NAPA: variants seen among roughly 807,000 people sequenced by gnomAD.
The protein encoded by NAPA is alpha-soluble NSF attachment protein.
A neutral mutation model predicts 48.0 loss-of-function variants in NAPA; 18 were observed. The ratio of observed to expected loss-of-function variants is 0.38; its 90% CI spans 0.26 to 0.56. NAPA has a LOEUF of 0.56. Among genes scored for constraint, NAPA ranks in the 20% least tolerant of loss-of-function variants. The pLI is 0.77. For synonymous variants in NAPA, 152 were observed against 149.9 expected, an observed-to-expected ratio of 1.01 and a Z score of -0.10; for missense variants, 315 against 385.0, an observed-to-expected ratio of 0.82 and a Z score of 1.52.
chr19:47,502,756 A>G (rs1488435525), intron 2 of NAPA, among the ~76,000 whole-genome samples: 2 of 152,156 alleles, frequency 1.3e-5, no homozygotes, highest in Non-Finnish European at 2.9e-5. Context: ...CTCCAAACAG[A>G]TCTCCAGCCT....
Position 47,515,002 on chromosome 19 carries a change from C to A in NAPA, c.-62G>T. 1 of 1,532,500 alleles carries A rather than the reference C, an allele frequency of 6.5e-7. No homozygotes were observed. The highest frequency in any genetic ancestry group is 8.9e-7 in the Non-Finnish European group (1 of 1,120,204). The allele number at this position is 1,532,500 out of a possible 1,614,324, so 94.9% of individuals were successfully genotyped here. A position where few individuals can be genotyped will look rare whatever the true frequency, so the allele number is the denominator to read the frequency against. On this transcript the variant is annotated 5_prime_UTR_variant, in exon 1 of 11. Transcript: ENST00000263354. ...TGACCCTGGGAAGACTCAGCCGCGGCCGGGCCGCGGAACACAGATCGGTAA... is the reference window on the plus strand; with the variant it reads ...TGACCCTGGGAAGACTCAGCCGCGGACGGGCCGCGGAACACAGATCGGTAA...
chr19:47,496,374 G>C (rs1166067124), intron 3 of NAPA: 1 of 152,804 alleles, frequency 6.5e-6, no homozygotes. Flanking sequence ...TTTTAAATTT[G>C]GGAAAGGCTT....
At chr19:47,488,644 G>A (rs1466378349) in intron 10 of NAPA, 5 of 260,808 alleles carry the variant, frequency 1.9e-5, no homozygotes, top group Non-Finnish European at 3.7e-5. Context: ...CCATGGCTGG[G>A]CGCAGTAGCT....
intron 1 of NAPA, among the ~76,000 whole-genome samples, chr19:47,508,065 AG>A (rs1968728165): frequency 6.6e-6 from 1 of 152,076 alleles, no homozygotes; most frequent in Non-Finnish European, 1.5e-5. Context: ...TGTACTGCCT[AG>A]GCTTCCCTCA....
At chr19:47,498,593 CTTTT>C (rs1039274103) in intron 3 of NAPA, among the ~76,000 whole-genome samples, 1 of 151,928 alleles carries the variant, frequency 6.6e-6, no homozygotes, top group African/African-American at 2.4e-5. Context: ...CTCTGTGAGG[CTTTT>C]TTTTGGGGAC....
chr19:47,503,802 T>C (rs1049182460), intron 1 of NAPA, among the ~76,000 whole-genome samples: 1 of 152,182 alleles, frequency 6.6e-6, no homozygotes, highest in African/African-American at 2.4e-5. Context: ...CTCTTCTACT[T>C]CCTGCCTGGG....
intron 8 of NAPA, chr19:47,491,084 G>A (rs1041835762): frequency 4.2e-6 from 2 of 473,168 alleles, no homozygotes; most frequent in Non-Finnish European, 7.6e-6. Flanking sequence ...GGGTGGAGGG[G>A]GAAGGTTCCC....
rs951045872 is a variant in NAPA at position 47,514,956 on chromosome 19, A to C, written c.-16T>G. The C allele has an allele frequency of 6.2e-7, 1 of 1,612,506 alleles. No homozygotes were observed. The highest frequency in any genetic ancestry group is 8.5e-7 in the Non-Finnish European group (1 of 1,179,320). Reference sequence around the variant, plus strand: ...AATTGTCCATGGCGGCCACAAAGGGACTCAGCAAAGCGCCTGACCCTGACC... The same window carrying C: ...AATTGTCCATGGCGGCCACAAAGGGCCTCAGCAAAGCGCCTGACCCTGACC... On this transcript the variant is annotated 5_prime_UTR_variant, in exon 1 of 11. Transcript: ENST00000263354.
chr19:47,489,601 G>T, intron 10 of NAPA, 110 bp downstream of exon 10: 1 of 1,235,272 alleles, frequency 8.1e-7, no homozygotes, highest in Non-Finnish European at 1.2e-6. Flanking sequence ...ACAGTGGGCT[G>T]GGGGCCAGAT....
In NAPA at chr19:47,500,763, G is replaced by C. The variant is rs752653279; in HGVS notation, c.179-14C>G. On this transcript the variant is annotated splice_polypyrimidine_tract_variant and intron_variant, in intron 2 of 10. Coordinates refer to ENST00000263354, the MANE Select transcript of NAPA (RefSeq NM_003827.4). ...CGTTTCCAGCAGCTGGAACAGAAGA[G>C]AAGGGCAGTCCTGGCCTCAGTGGGG... The C allele has an allele frequency of 9.4e-6, 15 of 1,592,558 alleles. No homozygotes were observed. The highest frequency in any genetic ancestry group is 1.0e-5 in the Non-Finnish European group (12 of 1,167,740).
rs1182239713 is a variant in NAPA at position 47,492,718 on chromosome 19, G to T, written c.561+243C>A. The T allele has an allele frequency of 4.5e-6, 3 of 660,674 alleles. No homozygotes were observed. In the Admixed American group the frequency reaches 6.2e-5, roughly 14 times the overall value. The allele number at this position is 660,674 out of a possible 1,614,324, so 40.9% of individuals were successfully genotyped here. Reference sequence around the variant, plus strand: ...TCTGGGCCCCTCCAGGAAGCTCTGCGAGGGGTGTGGGAGGGGCACAGCCAG... The same window carrying T: ...TCTGGGCCCCTCCAGGAAGCTCTGCTAGGGGTGTGGGAGGGGCACAGCCAG... On this transcript the variant is annotated intron_variant, in intron 7 of 10. Transcript: ENST00000263354.
chr19:47,488,272 G>T lies in NAPA; in HGVS notation c.*16C>A, dbSNP rs759014974. On this transcript the variant is annotated 3_prime_UTR_variant, in exon 11 of 11. Coordinates refer to ENST00000263354, the MANE Select transcript of NAPA (RefSeq NM_003827.4). ...AGATGGGACAGGAAGACGGGCACTG[G>T]GGGGCTGGGTGGGGCTTAGCGCAGG... 1.2e-6 allele frequency: 2 copies of T among 1,601,984 alleles called. No homozygotes were observed. The highest frequency in any genetic ancestry group is 1.7e-6 in the Non-Finnish European group (2 of 1,171,010).
intron 10 of NAPA, chr19:47,489,286 A>C: frequency 1.1e-5 from 2 of 182,962 alleles, no homozygotes; most frequent in Non-Finnish European, 1.2e-5. Flanking sequence ...GGCAGAGGGA[A>C]GCTGGCACCT....
At chr19:47,486,012 G>A (rs1346989318), downstream of NAPA, among the ~76,000 whole-genome samples, 2 of 152,124 alleles carry the variant, frequency 1.3e-5, no homozygotes, top group African/African-American at 4.8e-5. Flanking sequence ...CTGTTAAGAG[G>A]TTTCCAATCC....
intron 3 of NAPA, 110 bp downstream of exon 3, chr19:47,500,523 C>G (rs1203292679): frequency 1.2e-6 from 1 of 819,378 alleles, no homozygotes. Context: ...CAGCCTATCA[C>G]ATGTCGGCCA....
intron 2 of NAPA, among the ~76,000 whole-genome samples, chr19:47,501,034 T>C (rs1279168035): frequency 1.3e-5 from 2 of 151,976 alleles, no homozygotes; most frequent in East Asian, 3.9e-4. Flanking sequence ...GAGCCCCAGG[T>C]ATATGGAAAG....
At chr19:47,502,964 T>C (rs1568468995) in intron 2 of NAPA, among the ~76,000 whole-genome samples, 1 of 152,244 alleles carries the variant, frequency 6.6e-6, no homozygotes. Context: ...GGGATATTTA[T>C]AGACTGACCC....
Position 47,488,319 on chromosome 19 carries a change from G to T in NAPA, c.857C>A (p.Thr286Asn), listed in dbSNP as rs761566366. 1.9e-6 allele frequency: 3 copies of T among 1,613,558 alleles called. No homozygotes were observed. The highest frequency in any genetic ancestry group is 2.5e-6 in the Non-Finnish European group (3 of 1,179,766). ...CAGGTCCTCCTCATCGCCCTGGATG[G>T]TCTTCTTGATGCGCAGCAGCATGGT... ...LTTMLLRIKKTIQGDEEDLR is the reference protein window; with the variant it reads ...LTTMLLRIKKNIQGDEEDLR Residue 286 changes from threonine (T) to asparagine (N), a missense_variant, in exon 11 of 11, where the codon ACC becomes AAC. Around this residue, in one of 3 missense-constraint regions of NAPA, gnomAD observed 137 missense variants for 150.1 expected, o/e 0.91. Transcript: ENST00000263354.
chr19:47,498,369 C>T (rs956022827), intron 3 of NAPA, among the ~76,000 whole-genome samples: 8 of 152,194 alleles, frequency 5.3e-5, no homozygotes, highest in African/African-American at 1.9e-4. Context: ...GGCCCCTGGA[C>T]TGATGAAAGC....
Sources: allele counts gnomAD v4.1 joint callset (sites outside exome capture counted in the v4.1 genomes callset), GRCh38; gene constraint gnomAD v4.1.1; regional missense constraint gnomAD v4.1.1; transcripts MANE v1.5; gene names NCBI Gene and HGNC (gene_info 2026-07-23, HGNC 2026-07-21).